Variants in ZNF277 observed in about 807,000 individuals in gnomAD.
The protein encoded by ZNF277 is zinc finger protein 277, also known as nuclear receptor-interacting factor 4.
In ZNF277, 55 loss-of-function variants were observed where a neutral mutation model predicts 60.7. That is an observed-to-expected ratio of 0.91 (90% CI 0.73 to 1.13). The LOEUF (loss-of-function observed/expected upper bound fraction) is 1.13, where lower values mean the gene tolerates loss of function less well. ZNF277 is among the 50% of genes most tolerant of loss of function. The probability of loss-of-function intolerance (pLI) is 0.00; values close to 1 mark genes in which losing one functional copy is unlikely to be tolerated. For synonymous variants in ZNF277, 178 were observed against 179.3 expected (o/e 0.99, Z 0.06); for missense variants, 510 against 523.0 (o/e 0.98, Z 0.24).
intron 4 of ZNF277, among the ~76,000 whole-genome samples, chr7:112,301,055 C>A (rs557300548): frequency 2.0e-5 from 3 of 152,038 alleles, no homozygotes; most frequent in Non-Finnish European, 4.4e-5. Context: ...AACTGATTAT[C>A]TGTTAATATT....
At chr7:112,298,648 T>C (rs1434856824) in intron 4 of ZNF277, among the ~76,000 whole-genome samples, 1 of 152,222 alleles carries the variant, frequency 6.6e-6, no homozygotes, top group Admixed American at 6.5e-5. Context: ...TGTCAAAGCC[T>C]GAGAAAGACT....
intron 8 of ZNF277, 56 bp from the exon 9 acceptor site, chr7:112,337,674 G>C: frequency 6.7e-7 from 1 of 1,485,042 alleles, no homozygotes; most frequent in Non-Finnish European, 9.3e-7. Flanking sequence ...TCACTGTGTA[G>C]TATACTCTCT....
chr7:112,274,039 T>TGA (rs1491442604), intron 1 of ZNF277, among the ~76,000 whole-genome samples: 2 of 132,592 alleles, frequency 1.5e-5, no homozygotes, highest in African/African-American at 7.0e-5. Flanking sequence ...ATATATAGTA[T>TGA]GAGATATATA....
intron 10 of ZNF277, 51 bp from the exon 11 acceptor site, chr7:112,340,821 A>C: frequency 6.5e-7 from 1 of 1,537,414 alleles, no homozygotes; most frequent in Non-Finnish European, 8.8e-7. Context: ...TAATAGTGCA[A>C]AAAATGGGTC....
intron 1 of ZNF277, among the ~76,000 whole-genome samples, chr7:112,241,863 G>A (rs906610462): frequency 2.0e-5 from 3 of 152,096 alleles, no homozygotes; most frequent in Non-Finnish European, 4.4e-5. Flanking sequence ...GAAGGGTAGT[G>A]GTGGCGGAGA....
chr7:112,323,567 C>G (rs2117119993), intron 5 of ZNF277, among the ~76,000 whole-genome samples: 1 of 152,272 alleles, frequency 6.6e-6, no homozygotes, highest in South Asian at 2.1e-4. Context: ...GTTGTCAAGG[C>G]TATTGTGGAG....
chr7:112,318,240 G>T lies in ZNF277; in HGVS notation c.524G>T (p.Cys175Phe), dbSNP rs768118473. Residue 175 changes from cysteine to phenylalanine, a missense_variant, in exon 5 of 12, where the codon TGT (cysteine) becomes TTT (phenylalanine). Cys to Phe is a radical substitution (Grantham distance 205). Coordinates refer to ENST00000361822, the MANE Select transcript of ZNF277 (RefSeq NM_021994.3). ...ERNDTNFHGV[C>F]MFCNEEFLGN... The stretch of plus-strand genomic sequence containing the variant: ...AATGATACCAATTTTCATGGCGTTT[G>T]TATGTTTTGCAATGAAGAATTCCTT... 6.2e-7 allele frequency: 1 copy of T among 1,613,370 alleles called. No homozygotes were observed. The highest frequency in any genetic ancestry group is 8.5e-7 in the Non-Finnish European group (1 of 1,179,488).
chr7:112,308,378 G>A (rs539500434), intron 4 of ZNF277, among the ~76,000 whole-genome samples: 10 of 152,048 alleles, frequency 6.6e-5, no homozygotes, highest in East Asian at 3.9e-4. Context: ...TTAGCCAGGC[G>A]TCATGGCACA....
chr7:112,262,859 T>C (rs1350579984), intron 1 of ZNF277, among the ~76,000 whole-genome samples: 3 of 152,062 alleles, frequency 2.0e-5, no homozygotes, highest in African/African-American at 7.2e-5. Flanking sequence ...AAAAAAATAA[T>C]AAAAATAGTA....
intron 9 of ZNF277, among the ~76,000 whole-genome samples, chr7:112,339,327 G>A (rs1793396627): frequency 6.6e-6 from 1 of 152,138 alleles, no homozygotes. Flanking sequence ...TAATGTTGTT[G>A]CTGTTCTTTG....
At chr7:112,299,144 A>G (rs1218215483) in intron 4 of ZNF277, among the ~76,000 whole-genome samples, 4 of 152,188 alleles carry the variant, frequency 2.6e-5, no homozygotes, top group Non-Finnish European at 2.9e-5. Flanking sequence ...GCCATCAGCC[A>G]GTTCATCACA....
chr7:112,218,909 A>G (rs568072631), intron 1 of ZNF277, among the ~76,000 whole-genome samples: 3 of 152,224 alleles, frequency 2.0e-5, no homozygotes, highest in Non-Finnish European at 4.4e-5. Context: ...GCTATTGTGA[A>G]TAATGCTGCA....
chr7:112,308,125 T>C (rs1792641862), intron 4 of ZNF277, among the ~76,000 whole-genome samples: 1 of 152,080 alleles, frequency 6.6e-6, no homozygotes, highest in Admixed American at 6.6e-5. Flanking sequence ...GCAAATTATG[T>C]CACTCACTGC....
At chr7:112,287,691 T>G (rs1792106300) in intron 2 of ZNF277, 1 of 152,138 alleles carries the variant, frequency 6.6e-6, no homozygotes, top group Non-Finnish European at 1.5e-5. Context: ...CACGCCCAGC[T>G]AATTTTTGTA....
At chr7:112,289,931 G>T (rs1187947509) in intron 2 of ZNF277, among the ~76,000 whole-genome samples, 2 of 151,640 alleles carry the variant, frequency 1.3e-5, no homozygotes, top group African/African-American at 4.8e-5. Flanking sequence ...TAGGGTACAT[G>T]TGCACATTGT....
chr7:112,242,553 C>A, intron 1 of ZNF277, among the ~76,000 whole-genome samples: 1 of 84,324 alleles, frequency 1.2e-5, no homozygotes, highest in Non-Finnish European at 2.3e-5. Context: ...TTTATAATAG[C>A]TACCAAAAAA....
chr7:112,255,033 G>A (rs900445428), intron 1 of ZNF277, among the ~76,000 whole-genome samples: 2 of 152,140 alleles, frequency 1.3e-5, no homozygotes, highest in Non-Finnish European at 2.9e-5. Flanking sequence ...CTCTATAGTA[G>A]TAGGTAATGA....
At chr7:112,319,672 A>C (rs1289454119) in intron 5 of ZNF277, among the ~76,000 whole-genome samples, 3 of 147,430 alleles carry the variant, frequency 2.0e-5, no homozygotes, top group African/African-American at 7.4e-5. Flanking sequence ...TATATAATAT[A>C]TATTATATAA....
chr7:112,325,858 A>G (rs1793080900), intron 5 of ZNF277, among the ~76,000 whole-genome samples: 2 of 152,156 alleles, frequency 1.3e-5, no homozygotes, highest in African/African-American at 2.4e-5. Context: ...TGTTCCACCC[A>G]CATCCCTCCC....
Sources: allele counts gnomAD v4.1 joint callset (sites outside exome capture counted in the v4.1 genomes callset), GRCh38; gene constraint gnomAD v4.1.1; transcripts MANE v1.5; gene names NCBI Gene and HGNC (gene_info 2026-07-23, HGNC 2026-07-21).